Variants in MADD observed in about 807,000 individuals in gnomAD.
The protein encoded by MADD is MAP kinase-activating death domain protein.
Under a neutral mutation model 176.7 loss-of-function variants are expected in MADD, and 109 were observed. The ratio of observed to expected loss-of-function variants is 0.62; its 90% CI spans 0.53 to 0.72. The LOEUF (loss-of-function observed/expected upper bound fraction) is 0.72, where lower values mean the gene tolerates loss of function less well. Among genes scored for constraint, MADD ranks in the 30% least tolerant of loss-of-function variants. The pLI is 0.00. For missense variants in MADD, 1,914 were observed against 2,045.5 expected, an observed-to-expected ratio of 0.94 and a Z score of 1.24; for synonymous variants, 771 against 771.3, an observed-to-expected ratio of 1.00 and a Z score of 0.01.
intron 22 of MADD, among the ~76,000 whole-genome samples, chr11:47,296,764 G>GTTTTTTTTTTTT (rs753454831): frequency 3.4e-5 from 4 of 116,904 alleles, no homozygotes; most frequent in Non-Finnish European, 7.0e-5. Flanking sequence ...GTTTTTTGTT[G>GTTTTTTTTTTTT]TTTTTTTTTT....
chr11:47,286,517 C>T (rs1355228407), exon 15 of MADD: 2 of 1,613,606 alleles, frequency 1.2e-6, no homozygotes, highest in Non-Finnish European at 8.5e-7. Context: ...AAGGCCACGC[C>T]CTTCCCCAGT....
chr11:47,295,807 CT>C lies in MADD; in HGVS notation c.3484-84del, dbSNP rs2071058949. On this transcript the variant is annotated intron_variant, in intron 21 of 32. Coordinates refer to ENST00000402192, the Ensembl canonical transcript of MADD. ...TCTGACACACTTTTGAAATTTAATA[CT>C]TTTTTATGGTGGCAGGGAGCTCTAA... 2.6e-6 allele frequency: 4 copies of C among 1,530,862 alleles called. No individual in the cohort carries two copies. In the African/African-American group the frequency reaches 4.2e-5, roughly 16 times the overall value. 94.8% of individuals were successfully genotyped at this position (1,530,862 alleles called of 1,614,324 possible). A position where few individuals can be genotyped will look rare whatever the true frequency, so the allele number is the denominator to read the frequency against.
exon 10 of MADD, chr11:47,282,872 C>T: frequency 6.2e-7 from 1 of 1,614,174 alleles, no homozygotes; most frequent in Non-Finnish European, 8.5e-7. Flanking sequence ...TCAGCTGCAG[C>T]CTATCCACTA....
chr11:47,291,951 G>A (rs2065671270), intron 19 of MADD, among the ~76,000 whole-genome samples: 1 of 152,194 alleles, frequency 6.6e-6, no homozygotes, highest in African/African-American at 2.4e-5. Flanking sequence ...CATTTTTCCA[G>A]ATCACTGGTG....
At chr11:47,307,481 C>T (rs2083812695) in intron 22 of MADD, among the ~76,000 whole-genome samples, 1 of 152,120 alleles carries the variant, frequency 6.6e-6, no homozygotes, top group African/African-American at 2.4e-5. Flanking sequence ...TATAAAGTCA[C>T]GTGATCCATT....
At chr11:47,290,337 A>G in intron 18 of MADD, 38 bp downstream of exon 19, 3 of 1,601,658 alleles carry the variant, frequency 1.9e-6, no homozygotes, top group East Asian at 4.5e-5. Flanking sequence ...GCCATCCCTA[A>G]CTCTGCCACT....
intron 3 of MADD, among the ~76,000 whole-genome samples, chr11:47,275,586 A>G (rs2048968524): frequency 6.6e-6 from 1 of 152,252 alleles, no homozygotes; most frequent in Admixed American, 6.5e-5. Flanking sequence ...CATCATCCCC[A>G]GCCAAGAGTT....
intron 27 of MADD, among the ~76,000 whole-genome samples, chr11:47,323,183 A>T (rs2094805344): frequency 6.6e-6 from 1 of 151,138 alleles, no homozygotes; most frequent in South Asian, 2.1e-4. Context: ...GGTTGCAGTG[A>T]GTCGAGATTG....
At chr11:47,269,483 G>T (rs1958245474), upstream of MADD, 2 of 152,360 alleles carry the variant, frequency 1.3e-5, no homozygotes, top group South Asian at 4.1e-4. Flanking sequence ...CTAGAACCCA[G>T]TGTCGGTCCC....
intron 28 of MADD, chr11:47,324,050 A>ATCTG: frequency 3.1e-6 from 2 of 644,262 alleles, no homozygotes; most frequent in South Asian, 3.8e-5. Context: ...ATTCCTACAC[A>ATCTG]TCTGTACCCA....
intron 6 of MADD, 46 bp downstream of exon 6, chr11:47,278,324 A>AT (rs1165306341): frequency 7.5e-7 from 1 of 1,339,362 alleles, no homozygotes; most frequent in Non-Finnish European, 1.1e-6. Flanking sequence ...GGAGGATTGC[A>AT]TTCTAGACCC....
At chr11:47,296,297 C>T (rs550627421) in intron 22 of MADD, among the ~76,000 whole-genome samples, 31 of 152,132 alleles carry the variant, frequency 2.0e-4, no homozygotes, top group Non-Finnish European at 4.1e-4. Context: ...CGTGCCCAGT[C>T]ACGTAAGGGC....
chr11:47,309,538 C>A, exon 25 of MADD: 1 of 1,614,200 alleles, frequency 6.2e-7, no homozygotes, highest in Non-Finnish European at 8.5e-7. Context: ...TGACCGGAAG[C>A]GCCTGGAAGA....
intron 4 of MADD, 67 bp downstream of exon 4, chr11:47,276,269 G>A (rs1451743326): frequency 6.9e-6 from 10 of 1,446,378 alleles, no homozygotes; most frequent in African/African-American, 4.3e-5. Context: ...GCCAGACCAC[G>A]AGCTCTTAGA....
chr11:47,290,822 T>G lies in MADD; in HGVS notation c.3301+6T>G, dbSNP rs1305875966. The G allele has an allele frequency of 8.7e-6, 14 of 1,600,086 alleles. No homozygotes were observed. The highest frequency in any genetic ancestry group is 1.2e-5 in the Non-Finnish European group (14 of 1,168,618). On this transcript the variant is annotated splice_donor_region_variant and intron_variant, in intron 19 of 32. Transcript: ENST00000402192. The stretch of plus-strand genomic sequence containing the variant: ...AAATTTTATAGCATCTATTGGTACG[T>G]ATCAGTGTGTTTGGTGTGGTGGAGG...
intron 7 of MADD, among the ~76,000 whole-genome samples, chr11:47,279,391 T>TC (rs1452277174): frequency 6.7e-6 from 1 of 150,230 alleles, no homozygotes; most frequent in Non-Finnish European, 1.5e-5. Context: ...CTTTTTTTTT[T>TC]TTTTTTTTTG....
intron 19 of MADD, among the ~76,000 whole-genome samples, chr11:47,293,039 C>T (rs2066750250): frequency 6.6e-6 from 1 of 152,010 alleles, no homozygotes; most frequent in African/African-American, 2.4e-5. Flanking sequence ...TTCTGTCTTT[C>T]TGCCATACCA....
At chr11:47,306,895 A>G (rs57741802) in intron 22 of MADD, among the ~76,000 whole-genome samples, 5,113 of 151,432 alleles carry the variant, frequency 0.034, 121 homozygotes, top group South Asian at 0.12. Flanking sequence ...ATGTTTATTT[A>G]TTTACTTTTG....
chr11:47,328,850 A>C, intron 32 of MADD, 146 bp downstream of exon 36: 1 of 1,114,944 alleles, frequency 9.0e-7, no homozygotes, highest in Non-Finnish European at 1.3e-6. Context: ...AGGCTGAAAC[A>C]GGTCTTGAGC....
Sources: gnomAD v4.1 joint callset for allele counts (sites outside exome capture counted in the v4.1 genomes callset) on GRCh38, gnomAD v4.1.1 for gene constraint, MANE v1.5 for transcripts, NCBI Gene and HGNC (gene_info 2026-07-23, HGNC 2026-07-21) for gene names.